Variants in PTTG1IP2 observed in about 807,000 individuals in gnomAD.
PTTG1IP2 encodes PTTG1IP family member 2.
intron 6 of PTTG1IP2, among the ~76,000 whole-genome samples, chr7:90,496,365 A>T (rs919066718): frequency 1.3e-5 from 2 of 152,106 alleles, no homozygotes; most frequent in Non-Finnish European, 2.9e-5. Context: ...TAAGAATTCA[A>T]TCTGGGTGTG....
chr7:90,511,238 A>G (rs1272648189), intron 6 of PTTG1IP2, among the ~76,000 whole-genome samples: 1 of 152,228 alleles, frequency 6.6e-6, no homozygotes, highest in Non-Finnish European at 1.5e-5. Context: ...CCTGCCATCA[A>G]AAAACTTAAA....
intron 2 of PTTG1IP2, among the ~76,000 whole-genome samples, chr7:90,484,624 G>C (rs1797848535): frequency 6.6e-6 from 1 of 151,998 alleles, no homozygotes; most frequent in Non-Finnish European, 1.5e-5. Context: ...TGTTCTTGGG[G>C]GCAATGTGAA....
At chr7:90,503,341 A>G (rs909282257) in intron 6 of PTTG1IP2, among the ~76,000 whole-genome samples, 3 of 152,202 alleles carry the variant, frequency 2.0e-5, no homozygotes, top group Non-Finnish European at 2.9e-5. Context: ...ATCAGCAATA[A>G]GGCTATTTTG....
At chr7:90,511,300 C>T (rs1474085988) in intron 6 of PTTG1IP2, among the ~76,000 whole-genome samples, 1 of 152,156 alleles carries the variant, frequency 6.6e-6, no homozygotes, top group African/African-American at 2.4e-5. Context: ...ACAAGTGTTA[C>T]TAATAACTTA....
intron 6 of PTTG1IP2, among the ~76,000 whole-genome samples, chr7:90,510,761 A>G (rs1167657822): frequency 1.3e-5 from 2 of 152,210 alleles, no homozygotes; most frequent in African/African-American, 2.4e-5. Context: ...CACCGAGGAG[A>G]TGGTAACCAT....
intron 6 of PTTG1IP2, among the ~76,000 whole-genome samples, chr7:90,497,550 C>T (rs1309185367): frequency 3.3e-5 from 4 of 120,808 alleles, no homozygotes; most frequent in East Asian, 2.3e-4. Context: ...GGCGACAGAG[C>T]GAGAATCCGT....
chr7:90,512,498 G>A lies in PTTG1IP2; in HGVS notation c.*51-780G>A, dbSNP rs561352581. The stretch of plus-strand genomic sequence containing the variant: ...AGGCTCCAAGGAGAGACAGAGCTTG[G>A]GGTGTTAGAGAAACTGGAAGTTCTT... On this transcript the variant is annotated intron_variant, in intron 6 of 6. Coordinates refer to ENST00000509356, the MANE Select transcript of PTTG1IP2 (RefSeq NM_001365443.2). Among the ~76,000 whole-genome samples the A allele has an allele frequency of 4.6e-5, 7 of 152,278 alleles. No homozygotes were observed. In the East Asian group the frequency reaches 1.2e-3, roughly 25 times the overall value.
At position 90,512,746 on chromosome 7, in the gene PTTG1IP2, G is replaced by A. The variant is rs148632539; in HGVS notation, c.*51-532G>A. On this transcript the variant is annotated intron_variant, in intron 6 of 6. Coordinates refer to ENST00000509356, the MANE Select transcript of PTTG1IP2 (RefSeq NM_001365443.2). ...AGACAAGAAGTAGTCTGTTGAAATG[G>A]AGGAGTTGCACTGGGGAATAAGAAA... Among the ~76,000 whole-genome samples the A allele has an allele frequency of 2.3e-3, 352 of 152,342 alleles. 4 individuals are homozygous for A. The highest frequency in any genetic ancestry group is 4.8e-3 in the South Asian group (23 of 4,830).
At chr7:90,509,476 A>G (rs1464565870) in intron 6 of PTTG1IP2, among the ~76,000 whole-genome samples, 1 of 146,988 alleles carries the variant, frequency 6.8e-6, no homozygotes, top group Non-Finnish European at 1.5e-5. Context: ...AATATAAAGG[A>G]GGAAAACAGG....
At chr7:90,495,261 C>T (rs1350471994) in intron 6 of PTTG1IP2, among the ~76,000 whole-genome samples, 1 of 152,126 alleles carries the variant, frequency 6.6e-6, no homozygotes, top group African/African-American at 2.4e-5. Flanking sequence ...TAGAACTACC[C>T]CGACACTCAG....
chr7:90,475,247 C>T (rs1797734616), intron 1 of PTTG1IP2, among the ~76,000 whole-genome samples: 1 of 152,180 alleles, frequency 6.6e-6, no homozygotes, highest in African/African-American at 2.4e-5. Flanking sequence ...CTGTGGTTGC[C>T]TTGACCTATT....
At chr7:90,496,486 G>A (rs1392757620) in intron 6 of PTTG1IP2, among the ~76,000 whole-genome samples, 1 of 151,938 alleles carries the variant, frequency 6.6e-6, no homozygotes, top group Non-Finnish European at 1.5e-5. Flanking sequence ...CAGTTGTAAT[G>A]TCTTCTCTTT....
chr7:90,478,263 A>C (rs1228853703), intron 1 of PTTG1IP2, among the ~76,000 whole-genome samples: 1 of 152,138 alleles, frequency 6.6e-6, no homozygotes, highest in Non-Finnish European at 1.5e-5. Context: ...AGCTCTGAGA[A>C]CAGTGGCCAA....
intron 1 of PTTG1IP2, among the ~76,000 whole-genome samples, chr7:90,478,110 A>AAG (rs1562983895): frequency 1.3e-5 from 2 of 151,610 alleles, no homozygotes; most frequent in African/African-American, 4.8e-5. Flanking sequence ...AAAAAAAAAA[A>AAG]AAAAAAGAAA....
intron 6 of PTTG1IP2, among the ~76,000 whole-genome samples, chr7:90,503,057 ATGATCT>A (rs1275604240): frequency 1.3e-5 from 2 of 152,202 alleles, no homozygotes; most frequent in African/African-American, 2.4e-5. Flanking sequence ...ACCTTCATCA[ATGATCT>A]TAGGTAGATC....
chr7:90,507,508 G>A (rs569260200), intron 6 of PTTG1IP2, among the ~76,000 whole-genome samples: 199 of 152,132 alleles, frequency 1.3e-3, no homozygotes, highest in Non-Finnish European at 2.4e-3. Context: ...GAATAATTTA[G>A]GAAAAACTCC....
At chr7:90,503,892 T>A (rs1167666564) in intron 6 of PTTG1IP2, among the ~76,000 whole-genome samples, 1 of 152,180 alleles carries the variant, frequency 6.6e-6, no homozygotes, top group Non-Finnish European at 1.5e-5. Context: ...GCCGACACAT[T>A]TGCCTGACAC....
intron 6 of PTTG1IP2, among the ~76,000 whole-genome samples, chr7:90,497,744 A>AAAAG (rs1562988278): frequency 2.3e-5 from 3 of 132,450 alleles, no homozygotes; most frequent in African/African-American, 9.7e-5. Flanking sequence ...AAAAAAAAAA[A>AAAAG]GAAGAAGAAG....
intron 6 of PTTG1IP2, among the ~76,000 whole-genome samples, chr7:90,513,070 A>C (rs904539693): frequency 9.2e-5 from 14 of 152,198 alleles, no homozygotes; most frequent in Non-Finnish European, 2.1e-4. Context: ...TGTCATTTCC[A>C]ATTTACTCTG....
Sources: gnomAD v4.1 joint callset for allele counts (sites outside exome capture counted in the v4.1 genomes callset) on GRCh38, gnomAD v4.1.1 for gene constraint, MANE v1.5 for transcripts, NCBI Gene and HGNC (gene_info 2026-07-23, HGNC 2026-07-21) for gene names.